The following RBFOX1 variants were observed in gnomAD, a reference collection of about 807,000 sequenced individuals.
The protein encoded by RBFOX1 is RNA binding fox-1 homolog 1, also known as RNA binding protein fox-1 homolog 1.
RBFOX1 carries 8 observed loss-of-function variants against 57.7 expected under a neutral mutation model. The observed-to-expected ratio is 0.14, with a 90% CI of 0.08 to 0.25. The LOEUF is 0.25. Ranked by LOEUF, RBFOX1 falls within the 10% of genes least tolerant of loss-of-function variation. RBFOX1 has a pLI of 1.00. For synonymous variants in RBFOX1, 326 were observed against 222.4 expected, an observed-to-expected ratio of 1.47 and a Z score of -4.15; for missense variants, 611 against 548.5, an observed-to-expected ratio of 1.11 and a Z score of -1.14.
chr16:5,339,619 C>A (rs1258701136), intron 1 of RBFOX1, among the ~76,000 whole-genome samples: 1 of 151,468 alleles, frequency 6.6e-6, no homozygotes, highest in Admixed American at 6.6e-5. Flanking sequence ...AGGAGGATTA[C>A]AGGTATGTGC....
intron 10 of RBFOX1, among the ~76,000 whole-genome samples, chr16:7,609,509 T>A (rs1035624994): frequency 6.6e-6 from 1 of 152,184 alleles, no homozygotes; most frequent in African/African-American, 2.4e-5. Flanking sequence ...GCTATTCAGA[T>A]TAGCCCAGGG....
At chr16:6,936,334 C>T (rs1002101122) in intron 3 of RBFOX1, among the ~76,000 whole-genome samples, 1 of 152,090 alleles carries the variant, frequency 6.6e-6, no homozygotes, top group Non-Finnish European at 1.5e-5. Flanking sequence ...TTTTAATTAC[C>T]AAGTTGTTGA....
intron 1 of RBFOX1, among the ~76,000 whole-genome samples, chr16:6,275,075 C>T (rs905660954): frequency 6.6e-6 from 1 of 152,122 alleles, no homozygotes; most frequent in Non-Finnish European, 1.5e-5. Flanking sequence ...CACACCTATC[C>T]CACTGCAAGA....
At chr16:6,215,745 C>T (rs2097331835) in intron 1 of RBFOX1, among the ~76,000 whole-genome samples, 1 of 152,124 alleles carries the variant, frequency 6.6e-6, no homozygotes, top group Admixed American at 6.5e-5. Context: ...TAGGTGCACA[C>T]AGCTCTTCGA....
At chr16:7,108,723 A>G (rs925174021) in intron 4 of RBFOX1, among the ~76,000 whole-genome samples, 1 of 152,172 alleles carries the variant, frequency 6.6e-6, no homozygotes, top group Non-Finnish European at 1.5e-5. Flanking sequence ...TGATCCTCTG[A>G]TAGCACTAGT....
At chr16:7,691,962 A>G (rs988551000) in intron 14 of RBFOX1, among the ~76,000 whole-genome samples, 8 of 152,178 alleles carry the variant, frequency 5.3e-5, no homozygotes, top group Admixed American at 4.6e-4. Flanking sequence ...CCAGAATATC[A>G]TACCTGTAGT....
At position 6,173,088 on chromosome 16, in the gene RBFOX1, C is replaced by T. The variant is rs371953811; in HGVS notation, c.-126-143907C>T. ...TAAGGACTGATACGATGATATTAGGCCCACCTGGATAATTAAGACTAATTT... is the reference window on the plus strand; with the variant it reads ...TAAGGACTGATACGATGATATTAGGTCCACCTGGATAATTAAGACTAATTT... On this transcript the variant is annotated intron_variant, in intron 1 of 15. Transcript: ENST00000550418. 3.9e-5 allele frequency among the ~76,000 whole-genome samples: 6 copies of T among 152,130 alleles called. No homozygotes were observed. In the East Asian group the frequency reaches 1.2e-3, roughly 29 times the overall value.
Position 7,711,838 on chromosome 16 carries a change from G to C in RBFOX1, c.*1093G>C, listed in dbSNP as rs912458728. 1.3e-5 allele frequency: 2 copies of C among 152,522 alleles called. No individual in the cohort carries two copies. Among genetic ancestry groups the C allele is most frequent in the African/African-American group, 4.8e-5 (2 of 41,424 alleles). The allele number at this position is 152,522 out of a possible 1,614,324, so 9.4% of individuals were successfully genotyped here. ...ATTTTACAAGTATTGCAATCATTGA[G>C]TAGAGATAATCATGGTATTTTCATC... On this transcript the variant is annotated 3_prime_UTR_variant, in exon 16 of 16. Coordinates refer to ENST00000550418, the MANE Select transcript of RBFOX1 (RefSeq NM_018723.4).
intron 2 of RBFOX1, among the ~76,000 whole-genome samples, chr16:5,497,638 A>AAAAAAAAAAAAAAAT (rs71142625): frequency 1.2e-4 from 17 of 139,442 alleles, no homozygotes; most frequent in African/African-American, 4.7e-4. Flanking sequence ...AAAAAAAAAA[A>AAAAAAAAAAAAAAAT]GCTGGGCATG....
intron 3 of RBFOX1, among the ~76,000 whole-genome samples, chr16:5,748,841 C>G (rs939747157): frequency 2.0e-5 from 3 of 152,128 alleles, no homozygotes; most frequent in African/African-American, 4.8e-5. Flanking sequence ...CAGTCTGTGT[C>G]TTTTAATTGG....
At chr16:7,187,668 A>G (rs554155861) in intron 4 of RBFOX1, among the ~76,000 whole-genome samples, 68 of 128,010 alleles carry the variant, frequency 5.3e-4, no homozygotes, top group Non-Finnish European at 7.8e-4. Flanking sequence ...CAGCCTGGGC[A>G]ACAGAATGAG....
At chr16:6,590,525 C>G (rs774295003) in intron 2 of RBFOX1, among the ~76,000 whole-genome samples, 1 of 152,136 alleles carries the variant, frequency 6.6e-6, no homozygotes, top group African/African-American at 2.4e-5. Flanking sequence ...GGAGTAAATT[C>G]AATGAGAGCC....
In RBFOX1 at chr16:5,731,691, T is replaced by G. The variant is rs1217348629; in HGVS notation, c.318+132730T>G. ...TATTAAGTCAGAAATCCCCCCTGGA[T>G]GTCCATAGGACATTTGTAATGGCAA... On this transcript the variant is annotated intron_variant, in intron 3 of 19. Coordinates refer to the RBFOX1 transcript ENST00000641259. 3.9e-5 allele frequency among the ~76,000 whole-genome samples: 6 copies of G among 152,230 alleles called. No homozygotes were observed. In the East Asian group the frequency reaches 1.2e-3, roughly 29 times the overall value.
intron 14 of RBFOX1, among the ~76,000 whole-genome samples, chr16:7,704,779 G>A (rs1005886168): frequency 6.6e-6 from 1 of 152,178 alleles, no homozygotes; most frequent in Admixed American, 6.5e-5. Context: ...GGCTGGGTGT[G>A]GTAGCTCATG....
chr16:5,648,286 G>A (rs2049114755), intron 3 of RBFOX1, among the ~76,000 whole-genome samples: 1 of 152,198 alleles, frequency 6.6e-6, no homozygotes, highest in African/African-American at 2.4e-5. Flanking sequence ...TCACATCTGG[G>A]CAATGGGTGT....
intron 4 of RBFOX1, among the ~76,000 whole-genome samples, chr16:5,973,534 C>G (rs936492127): frequency 1.3e-5 from 2 of 152,112 alleles, no homozygotes; most frequent in Non-Finnish European, 2.9e-5. Flanking sequence ...TATGAAGGAC[C>G]AGTCTCGATT....
At chr16:5,496,651 G>A (rs1320080023) in intron 2 of RBFOX1, among the ~76,000 whole-genome samples, 1 of 152,186 alleles carries the variant, frequency 6.6e-6, no homozygotes, top group Non-Finnish European at 1.5e-5. Flanking sequence ...ATAAACGAGG[G>A]AGAGTGAGGA....
intron 2 of RBFOX1, among the ~76,000 whole-genome samples, chr16:6,540,568 C>T (rs944783172): frequency 7.9e-6 from 1 of 126,530 alleles, no homozygotes; most frequent in Admixed American, 1.0e-4. Context: ...GCCGAGATTG[C>T]ACCACTGTAC....
At chr16:6,114,839 A>G (rs971566926) in intron 1 of RBFOX1, among the ~76,000 whole-genome samples, 5 of 152,210 alleles carry the variant, frequency 3.3e-5, no homozygotes, top group African/African-American at 9.6e-5. Context: ...GCAGTCTTCT[A>G]TTGAATGATA....
Sources: allele counts gnomAD v4.1 joint callset (sites outside exome capture counted in the v4.1 genomes callset), GRCh38; gene constraint gnomAD v4.1.1; transcripts MANE v1.5; gene names NCBI Gene and HGNC (gene_info 2026-07-23, HGNC 2026-07-21).